CA6: variants seen among roughly 807,000 people sequenced by gnomAD.
The protein encoded by CA6 is carbonic anhydrase 6.
A neutral mutation model predicts 35.9 loss-of-function variants in CA6; 28 were observed. The ratio of observed to expected loss-of-function variants is 0.78; its 90% CI spans 0.58 to 1.07. The LOEUF (loss-of-function observed/expected upper bound fraction) is 1.07, where lower values mean the gene tolerates loss of function less well. Ranked by LOEUF, CA6 falls within the 50% of genes least tolerant of loss-of-function variation. The pLI is 0.00. For synonymous variants in CA6, 148 were observed against 152.6 expected, an observed-to-expected ratio of 0.97 and a Z score of 0.22; for missense variants, 377 against 382.0, an observed-to-expected ratio of 0.99 and a Z score of 0.11.
intron 1 of CA6, among the ~76,000 whole-genome samples, chr1:8,947,438 G>A (rs1054759844): frequency 6.6e-6 from 1 of 152,068 alleles, no homozygotes; most frequent in African/African-American, 2.4e-5. Flanking sequence ...ACGGAATTAG[G>A]GACATCCTGG....
At chr1:8,951,507 G>A (rs1348170508) in intron 2 of CA6, 2 of 765,198 alleles carry the variant, frequency 2.6e-6, no homozygotes, top group Non-Finnish European at 4.8e-6. Context: ...CAGTGGCTTT[G>A]TTCACCCTCC....
In CA6 at chr1:8,957,180, C is replaced by G. The variant is rs199675048; in HGVS notation, c.303C>G (p.Asp101Glu). The change falls in exon 3 of 8, where the codon GAC becomes GAG. Residue 101 changes from aspartate (D) to glutamate (E), a missense_variant. Asp to Glu is a conservative substitution (Grantham distance 45). Coordinates refer to ENST00000377443, the MANE Select transcript of CA6 (RefSeq NM_001215.4). Reference protein sequence around the residue: ...LPSTMRMTVADGTVYIAQQMH... With the variant: ...LPSTMRMTVAEGTVYIAQQMH... ...CCACCATGCGCATGACAGTGGCTGA[C>G]GGCACTGTATACATAGCCCAGCAGA... The G allele has an allele frequency of 6.2e-7, 1 of 1,613,506 alleles. No homozygotes were observed. The highest frequency in any genetic ancestry group is 8.5e-7 in the Non-Finnish European group (1 of 1,179,620).
intron 5 of CA6, among the ~76,000 whole-genome samples, chr1:8,966,846 G>C (rs532517212): frequency 6.6e-6 from 1 of 152,106 alleles, no homozygotes; most frequent in African/African-American, 2.4e-5. Context: ...TTGCAGGCCT[G>C]GTGGAAGTGG....
chr1:8,947,695 A>T (rs1639404048), intron 1 of CA6, among the ~76,000 whole-genome samples: 1 of 152,114 alleles, frequency 6.6e-6, no homozygotes, highest in African/African-American at 2.4e-5. Flanking sequence ...AGAACTTGAG[A>T]GTAGCTTTTG....
At chr1:8,951,770 T>C (rs1414777494) in intron 2 of CA6, 1 of 690,968 alleles carries the variant, frequency 1.4e-6, no homozygotes, top group Admixed American at 2.1e-5. Context: ...CACGACAGCA[T>C]GTCGGACATT....
At chr1:8,958,124 G>A (rs1301215252) in intron 3 of CA6, among the ~76,000 whole-genome samples, 1 of 152,118 alleles carries the variant, frequency 6.6e-6, no homozygotes, top group Non-Finnish European at 1.5e-5. Context: ...ACAGGGTGTG[G>A]CAAGCCCTCC....
chr1:8,974,513 A>G lies in CA6; in HGVS notation c.845-109A>G, dbSNP rs533773944. ...GTGGAGAGCATTCTAAGGAATCAAA[A>G]GACTTCCCAAAAATACGATGCGGGT... On this transcript the variant is annotated intron_variant, in intron 7 of 7. Coordinates refer to ENST00000377443, the MANE Select transcript of CA6 (RefSeq NM_001215.4). The G allele has an allele frequency of 1.2e-5, 18 of 1,443,616 alleles. No homozygotes were observed. The South Asian group carries it at 2.3e-4, about 18-fold the overall frequency. The allele number at this position is 1,443,616 out of a possible 1,614,324, so 89.4% of individuals were successfully genotyped here.
intron 6 of CA6, among the ~76,000 whole-genome samples, chr1:8,969,823 G>A (rs1286567944): frequency 6.6e-6 from 1 of 152,006 alleles, no homozygotes; most frequent in African/African-American, 2.4e-5. Flanking sequence ...AGAAGGGAGT[G>A]GAAACATAAT....
rs140431319 is a variant in CA6, at chr1:8,970,973, C to T, written c.836C>T (p.Pro279Leu). ...CACAGAGTGGTGGAATCCAACTTCC[C>T]GAATCAGGGTGAGTGAGACCGACTC... is the stretch of plus-strand genomic sequence containing the variant. ...LNHRVVESNF[P>L]NQEYTLGSEF... The change falls in exon 7 of 8, where the codon CCG (proline) becomes CTG (leucine). Residue 279 changes from proline to leucine, a missense_variant. By Grantham distance (98) the Pro-to-Leu change is moderately conservative. Coordinates refer to ENST00000377443, the MANE Select transcript of CA6 (RefSeq NM_001215.4). The T allele has an allele frequency of 8.6e-5, 139 of 1,608,192 alleles. No homozygotes were observed. Among genetic ancestry groups the T allele is most frequent in the Non-Finnish European group, 9.4e-5 (111 of 1,174,676 alleles).
Position 8,973,458 on chromosome 1 carries a change from C to T in CA6, c.845-1164C>T, listed in dbSNP as rs137912226. ...ATGCTTTTTCCACTACAGCGTCACT[C>T]TAGCATCTCCTCACGAGGGGGTCAG... On this transcript the variant is annotated intron_variant, in intron 7 of 7. Transcript: ENST00000377443. Among the ~76,000 whole-genome samples, 604 of 152,340 alleles carry T rather than the reference C, an allele frequency of 4.0e-3. 6 individuals are homozygous for T. Among genetic ancestry groups the T allele is most frequent in the African/African-American group, 0.014 (564 of 41,578 alleles).
chr1:8,972,919 A>G (rs1332570175), intron 7 of CA6, among the ~76,000 whole-genome samples: 1 of 152,180 alleles, frequency 6.6e-6, no homozygotes, highest in African/African-American at 2.4e-5. Flanking sequence ...ATTATACCAT[A>G]TACAACATTA....
chr1:8,968,571 A>G (rs1346466873), intron 6 of CA6, among the ~76,000 whole-genome samples: 1 of 152,230 alleles, frequency 6.6e-6, no homozygotes, highest in Non-Finnish European at 1.5e-5. Context: ...TGGAATTATC[A>G]GACAATTAAT....
At chr1:8,946,264 C>A (rs1639361366) in intron 1 of CA6, among the ~76,000 whole-genome samples, 1 of 152,086 alleles carries the variant, frequency 6.6e-6, no homozygotes, top group African/African-American at 2.4e-5. Context: ...TCTCGAACTC[C>A]TGACCTTAGG....
rs774042044 is a variant in CA6 at position 8,974,737 on chromosome 1, G to C, written c.*33G>C. ...TAAGAGGAAGATTCAATATTAACTA[G>C]CTTGAAGCCTGACCTAGCCAGAAGT... On this transcript the variant is annotated 3_prime_UTR_variant, in exon 8 of 8. Transcript: ENST00000377443. 2 of 1,404,126 alleles carry C rather than the reference G, an allele frequency of 1.4e-6. No homozygotes were observed. The highest frequency in any genetic ancestry group is 3.2e-5 in the African/African-American group (2 of 62,660). The allele number at this position is 1,404,126 out of a possible 1,614,324, so 87.0% of individuals were successfully genotyped here.
Position 8,967,719 on chromosome 1 carries a change from A to T in CA6, c.632A>T (p.His211Leu). ...GACATGCTGCCCAGGAACCTCCAGC[A>T]CTACTACACCTACCATGGCTCACTC... ...VQDMLPRNLQ[H>L]YYTYHGSLTT... The change falls in exon 6 of 8, where the codon CAC becomes CTC. Residue 211 changes from histidine to leucine, a missense_variant. Coordinates refer to ENST00000377443, the MANE Select transcript of CA6 (RefSeq NM_001215.4). 6.2e-7 allele frequency: 1 copy of T among 1,614,014 alleles called. No individual in the cohort carries two copies. The highest frequency in any genetic ancestry group is 8.5e-7 in the Non-Finnish European group (1 of 1,179,946).
chr1:8,973,326 T>C (rs1640156598), intron 7 of CA6, among the ~76,000 whole-genome samples: 1 of 152,264 alleles, frequency 6.6e-6, no homozygotes. Flanking sequence ...GCCTGTCTCC[T>C]AGGTCTAAAT....
intron 2 of CA6, among the ~76,000 whole-genome samples, chr1:8,954,308 G>A (rs1035717902): frequency 1.1e-4 from 17 of 152,072 alleles, no homozygotes; most frequent in African/African-American, 3.6e-4. Context: ...GGGTTTACAG[G>A]CATGCACCAC....
intron 4 of CA6, 77 bp from the exon 5 acceptor site, chr1:8,962,510 G>A: frequency 1.6e-6 from 2 of 1,212,956 alleles, no homozygotes; most frequent in Non-Finnish European, 2.5e-6. Context: ...CCGCTAGAAA[G>A]CTGAGTGGCT....
intron 3 of CA6, 77 bp from the exon 4 acceptor site, chr1:8,958,833 C>T: frequency 1.2e-6 from 1 of 819,070 alleles, no homozygotes. Flanking sequence ...CTTTCTTTCT[C>T]TTCCTCCTTC....
Sources: allele counts gnomAD v4.1 joint callset (sites outside exome capture counted in the v4.1 genomes callset), GRCh38; gene constraint gnomAD v4.1.1; transcripts MANE v1.5; gene names NCBI Gene and HGNC (gene_info 2026-07-23, HGNC 2026-07-21).